SNTG2: variants seen among roughly 807,000 people sequenced by gnomAD.
SNTG2 encodes the protein syntrophin gamma 2.
In SNTG2, 74 loss-of-function variants were observed where a neutral mutation model predicts 70.9. The ratio of observed to expected loss-of-function variants is 1.04; its 90% CI spans 0.86 to 1.27. The LOEUF is 1.27. SNTG2 is among the 50% of genes most tolerant of loss of function. The probability of loss-of-function intolerance (pLI) is 0.00; values close to 1 mark genes in which losing one functional copy is unlikely to be tolerated. For missense variants in SNTG2, 717 were observed against 690.7 expected, an observed-to-expected ratio of 1.04 and a Z score of -0.43; for synonymous variants, 278 against 273.8, an observed-to-expected ratio of 1.02 and a Z score of -0.15.
At chr2:1,354,845 T>G (rs536228180) in intron 16 of SNTG2, among the ~76,000 whole-genome samples, 1 of 152,366 alleles carries the variant, frequency 6.6e-6, no homozygotes, top group East Asian at 1.9e-4. Context: ...TTTGGGACTT[T>G]ACAGCAGGTT....
chr2:1,353,667 C>T lies in SNTG2; in HGVS notation c.1489-13676C>T, dbSNP rs1660698933. 1.3e-5 allele frequency: 2 copies of T among 152,292 alleles called. No individual in the cohort carries two copies. The highest frequency in any genetic ancestry group is 1.3e-4 in the Admixed American group (2 of 15,298). The allele number at this position is 152,292 out of a possible 1,614,324, so 9.4% of individuals were successfully genotyped here. On this transcript the variant is annotated intron_variant, in intron 16 of 16. Transcript: ENST00000308624. The surrounding 1 kb of genome is among the most constrained non-coding windows in gnomAD (Gnocchi z 4.2). ...TCTCTTCAATGCTGATTGACTTCACCTTTGCCCCCTTTCCCATAGGGCCAT... is the reference window on the plus strand; with the variant it reads ...TCTCTTCAATGCTGATTGACTTCACTTTTGCCCCCTTTCCCATAGGGCCAT...
intron 12 of SNTG2, among the ~76,000 whole-genome samples, chr2:1,252,120 C>G (rs1435172647): frequency 6.6e-6 from 1 of 152,148 alleles, no homozygotes; most frequent in Non-Finnish European, 1.5e-5. Flanking sequence ...CTGCAGGAAC[C>G]GTGAGTTGAT....
chr2:1,211,031 G>T (rs1674006007), intron 9 of SNTG2, among the ~76,000 whole-genome samples: 2 of 152,196 alleles, frequency 1.3e-5, no homozygotes. Flanking sequence ...ATATATAGAT[G>T]ATTTATTGCA....
At chr2:1,082,419 C>CTT (rs1664388970) in intron 1 of SNTG2, among the ~76,000 whole-genome samples, 1 of 152,186 alleles carries the variant, frequency 6.6e-6, no homozygotes, top group African/African-American at 2.4e-5. Context: ...AGTTGCAGAG[C>CTT]TGCAGGGTCC....
chr2:1,019,448 G>A (rs1346490011), intron 1 of SNTG2, among the ~76,000 whole-genome samples: 1 of 152,060 alleles, frequency 6.6e-6, no homozygotes, highest in Non-Finnish European at 1.5e-5. Flanking sequence ...GAGTGTTGTG[G>A]GAAGAGGCCA....
intron 1 of SNTG2, among the ~76,000 whole-genome samples, chr2:958,866 T>C (rs1660254974): frequency 1.3e-5 from 2 of 152,176 alleles, no homozygotes; most frequent in Non-Finnish European, 2.9e-5. Flanking sequence ...CTTATGACAG[T>C]CAAAATTTTG....
chr2:1,195,731 A>T (rs1019878993), intron 8 of SNTG2, among the ~76,000 whole-genome samples: 22 of 152,110 alleles, frequency 1.4e-4, no homozygotes, highest in African/African-American at 5.3e-4. Flanking sequence ...GTTTAATCAG[A>T]TCCCATTTGT....
intron 13 of SNTG2, among the ~76,000 whole-genome samples, chr2:1,266,503 T>C (rs1348008762): frequency 1.3e-5 from 2 of 152,136 alleles, no homozygotes; most frequent in African/African-American, 4.8e-5. Flanking sequence ...ATCATTCCCT[T>C]TGTCAGGCCT....
At chr2:1,259,270 T>G in intron 12 of SNTG2, 100 bp from the exon 13 acceptor site, 1 of 967,978 alleles carries the variant, frequency 1.0e-6, no homozygotes, top group Non-Finnish European at 1.6e-6. Context: ...TAGGATTTAA[T>G]TGAGGTGGAC....
chr2:983,280 G>C (rs1425670820), intron 1 of SNTG2, among the ~76,000 whole-genome samples: 2 of 115,856 alleles, frequency 1.7e-5, no homozygotes, highest in South Asian at 2.4e-4. Context: ...TGAAGCAGAG[G>C]CTCTCTTCCA....
chr2:1,105,765 CT>C (rs1666078597), intron 4 of SNTG2, among the ~76,000 whole-genome samples: 2 of 152,142 alleles, frequency 1.3e-5, no homozygotes, highest in African/African-American at 4.8e-5. Flanking sequence ...GAGGTGCAGG[CT>C]GGGCTTTCCA....
chr2:1,212,697 T>C (rs1308510402), intron 9 of SNTG2, among the ~76,000 whole-genome samples: 1 of 152,158 alleles, frequency 6.6e-6, no homozygotes, highest in East Asian at 1.9e-4. Flanking sequence ...TTGTGCAAAG[T>C]CCCATTTAGA....
chr2:1,269,837 AG>A (rs1368361455), intron 14 of SNTG2, among the ~76,000 whole-genome samples: 1 of 152,166 alleles, frequency 6.6e-6, no homozygotes, highest in Non-Finnish European at 1.5e-5. Flanking sequence ...GGAGGCAATG[AG>A]GGTGTTAACA....
chr2:1,016,600 C>T (rs899031975), intron 1 of SNTG2, among the ~76,000 whole-genome samples: 1 of 152,210 alleles, frequency 6.6e-6, no homozygotes, highest in Non-Finnish European at 1.5e-5. Context: ...GACAGGCTGC[C>T]TCCAGCAGAG....
intron 1 of SNTG2, among the ~76,000 whole-genome samples, chr2:1,026,774 C>G (rs1480507045): frequency 6.6e-6 from 1 of 152,200 alleles, no homozygotes; most frequent in Non-Finnish European, 1.5e-5. Flanking sequence ...GTGCCATCCT[C>G]TCTCACTGGG....
intron 1 of SNTG2, among the ~76,000 whole-genome samples, chr2:1,064,611 G>A (rs1663035244): frequency 6.6e-6 from 1 of 152,072 alleles, no homozygotes; most frequent in Non-Finnish European, 1.5e-5. Context: ...ATATTTGATG[G>A]TAGTTGGTGA....
At chr2:1,090,168 A>T (rs4971435) in intron 2 of SNTG2, among the ~76,000 whole-genome samples, 86,380 of 152,082 alleles carry the variant, frequency 0.57, 24,862 homozygotes, top group East Asian at 0.64. Flanking sequence ...AACCTGCTCC[A>T]TGTAGATCTA....
At chr2:1,208,926 A>G (rs4971414) in intron 8 of SNTG2, among the ~76,000 whole-genome samples, 177 bp from the exon 9 acceptor site, 48,522 of 151,818 alleles carry the variant, frequency 0.32, 8,267 homozygotes, top group East Asian at 0.66. Flanking sequence ...AATGTCTTAA[A>G]TCCGGGTAGA....
intron 4 of SNTG2, among the ~76,000 whole-genome samples, chr2:1,131,401 G>T (rs1668003855): frequency 6.6e-6 from 1 of 152,172 alleles, no homozygotes; most frequent in African/African-American, 2.4e-5. Flanking sequence ...CCTGCGGTGT[G>T]CAAGCTTCAA....
Sources: allele counts gnomAD v4.1 joint callset (sites outside exome capture counted in the v4.1 genomes callset), GRCh38; gene constraint gnomAD v4.1.1; non-coding constraint Gnocchi (gnomAD v3.1); transcripts MANE v1.5; gene names NCBI Gene and HGNC (gene_info 2026-07-23, HGNC 2026-07-21).